The following DACH1 variants were observed in gnomAD, a reference collection of about 807,000 sequenced individuals.
The protein encoded by DACH1 is dachshund family transcription factor 1, also known as dachshund homolog 1.
Under a neutral mutation model 54.2 loss-of-function variants are expected in DACH1, and 12 were observed. That is an observed-to-expected ratio of 0.22 (90% CI 0.14 to 0.36). DACH1 has a LOEUF of 0.36. DACH1 is among the 10% of genes least tolerant of loss of function. DACH1 has a pLI of 1.00. For synonymous variants in DACH1, 386 were observed against 366.2 expected, an observed-to-expected ratio of 1.05 and a Z score of -0.62; for missense variants, 805 against 929.8, an observed-to-expected ratio of 0.87 and a Z score of 1.75.
chr13:71,621,428 C>T (rs557353851), intron 3 of DACH1, among the ~76,000 whole-genome samples: 9 of 152,118 alleles, frequency 5.9e-5, no homozygotes, highest in Non-Finnish European at 1.3e-4. Flanking sequence ...GCTGGTACAG[C>T]GTGTGACTGA....
At chr13:71,819,289 T>A (rs1453443208) in intron 1 of DACH1, among the ~76,000 whole-genome samples, 1 of 152,198 alleles carries the variant, frequency 6.6e-6, no homozygotes, top group East Asian at 1.9e-4. Context: ...CAGCTGGCAC[T>A]TTGCATAGAA....
chr13:71,618,063 T>C (rs913522761), intron 3 of DACH1, among the ~76,000 whole-genome samples: 4 of 152,196 alleles, frequency 2.6e-5, no homozygotes, highest in Non-Finnish European at 2.9e-5. Context: ...CTAAAATGCA[T>C]CCTCTTTTTG....
At chr13:71,559,276 T>C (rs1282111784) in intron 5 of DACH1, among the ~76,000 whole-genome samples, 1 of 152,180 alleles carries the variant, frequency 6.6e-6, no homozygotes, top group Non-Finnish European at 1.5e-5. Flanking sequence ...TTATTGATTG[T>C]TACTAATTCA....
chr13:71,565,556 C>T (rs1185887818), intron 4 of DACH1, among the ~76,000 whole-genome samples: 4 of 152,058 alleles, frequency 2.6e-5, no homozygotes, highest in Non-Finnish European at 5.9e-5. Flanking sequence ...CAGAAAAATG[C>T]TTAAAAGTAC....
intron 6 of DACH1, among the ~76,000 whole-genome samples, chr13:71,520,789 G>T (rs1881542385): frequency 6.6e-6 from 1 of 151,698 alleles, no homozygotes; most frequent in Admixed American, 6.6e-5. Flanking sequence ...ATTGGAGAAA[G>T]AAGAAAGGGA....
intron 10 of DACH1, among the ~76,000 whole-genome samples, chr13:71,472,664 C>T (rs374211634): frequency 1.3e-5 from 2 of 152,170 alleles, no homozygotes; most frequent in South Asian, 2.1e-4. Context: ...GGCTTGGGGA[C>T]AGTTGGAGAG....
At chr13:71,731,375 T>A (rs1308839344) in intron 1 of DACH1, among the ~76,000 whole-genome samples, 1 of 146,880 alleles carries the variant, frequency 6.8e-6, no homozygotes, top group Non-Finnish European at 1.5e-5. Context: ...CACTGCAAGC[T>A]CCACCTCCCG....
chr13:71,772,151 G>T (rs900636415), intron 1 of DACH1, among the ~76,000 whole-genome samples: 3 of 151,308 alleles, frequency 2.0e-5, no homozygotes, highest in Admixed American at 2.0e-4. Flanking sequence ...CTTGCCCCTT[G>T]CCTACACAGT....
intron 2 of DACH1, among the ~76,000 whole-genome samples, chr13:71,632,972 T>C (rs1370054203): frequency 6.6e-6 from 1 of 152,222 alleles, no homozygotes; most frequent in Non-Finnish European, 1.5e-5. Flanking sequence ...TTCCAGCAAA[T>C]CTTTCTTCCT....
chr13:71,707,129 C>T (rs745831871), intron 1 of DACH1, among the ~76,000 whole-genome samples: 2 of 152,102 alleles, frequency 1.3e-5, no homozygotes, highest in Non-Finnish European at 2.9e-5. Context: ...AGGTCTGTCC[C>T]CTCATGGAAC....
chr13:71,633,601 G>GACACACACACACACACACACACACACTC (rs76720343), intron 2 of DACH1, among the ~76,000 whole-genome samples: 1 of 149,488 alleles, frequency 6.7e-6, no homozygotes, highest in African/African-American at 2.4e-5. Context: ...GTGTGTCACT[G>GACACACACACACACACACACACACACTC]ACACACACAC....
intron 1 of DACH1, among the ~76,000 whole-genome samples, chr13:71,749,207 C>T (rs2137973083): frequency 6.6e-6 from 1 of 152,006 alleles, no homozygotes; most frequent in East Asian, 1.9e-4. Flanking sequence ...TGGTCTCGAA[C>T]TCCTCATCTC....
At chr13:71,744,697 T>A (rs910150731) in intron 1 of DACH1, among the ~76,000 whole-genome samples, 2 of 152,234 alleles carry the variant, frequency 1.3e-5, no homozygotes, top group Non-Finnish European at 2.9e-5. Flanking sequence ...CCACTTTGGT[T>A]GGGATTTAAA....
Position 71,762,248 on chromosome 13 carries a change from C to A in DACH1, c.849-80338G>T, listed in dbSNP as rs373476419. Among the ~76,000 whole-genome samples the A allele has an allele frequency of 3.3e-5, 5 of 152,190 alleles. No individual in the cohort carries two copies. In the South Asian group the frequency reaches 1.0e-3, roughly 32 times the overall value. ...CAAGCCCATATCGCTGGATCACAGT[C>A]TATGACATTCATTCACCCAATATGT... On this transcript the variant is annotated intron_variant, in intron 1 of 10. Transcript: ENST00000613252.
At chr13:71,721,757 T>G (rs1883239107) in intron 1 of DACH1, among the ~76,000 whole-genome samples, 1 of 152,114 alleles carries the variant, frequency 6.6e-6, no homozygotes, top group African/African-American at 2.4e-5. Context: ...CTCATATCAT[T>G]TTTTCTTCCT....
intron 1 of DACH1, among the ~76,000 whole-genome samples, chr13:71,723,538 T>C (rs1487541656): frequency 6.6e-6 from 1 of 152,222 alleles, no homozygotes; most frequent in Non-Finnish European, 1.5e-5. Flanking sequence ...AACAGTAATA[T>C]TAAAAACCTC....
Position 71,440,493 on chromosome 13 carries a change from C to CTT in DACH1, c.*160_*161dup, listed in dbSNP as rs11391038. 33,806 of 443,326 alleles carry CTT rather than the reference C, an allele frequency of 0.076. 67 individuals carry two copies. The highest frequency in any genetic ancestry group is 0.1 in the South Asian group (3,023 of 29,650). 27.5% of individuals were successfully genotyped at this position (443,326 alleles called of 1,614,324 possible). A position where few individuals can be genotyped will look rare whatever the true frequency, so the allele number is the denominator to read the frequency against. ...CACAGGTGAAAATCAATGGAGAAAA[C>CTT]TTTTTTTTTTTTTGTAGAATACTTA... On this transcript the variant is annotated 3_prime_UTR_variant, in exon 11 of 11. Coordinates refer to ENST00000613252, the MANE Select transcript of DACH1 (RefSeq NM_080759.6).
chr13:71,844,814 T>G (rs1443647697), intron 1 of DACH1, among the ~76,000 whole-genome samples: 2 of 152,030 alleles, frequency 1.3e-5, no homozygotes, highest in Non-Finnish European at 2.9e-5. Flanking sequence ...CAAGGCAACA[T>G]GGATAGAACT....
At chr13:71,571,860 C>A (rs976472061) in intron 4 of DACH1, among the ~76,000 whole-genome samples, 1 of 151,762 alleles carries the variant, frequency 6.6e-6, no homozygotes, top group Non-Finnish European at 1.5e-5. Context: ...CTCAGGCTTC[C>A]GAGTAGCTGG....
Sources: allele counts gnomAD v4.1 joint callset (sites outside exome capture counted in the v4.1 genomes callset), GRCh38; gene constraint gnomAD v4.1.1; transcripts MANE v1.5; gene names NCBI Gene and HGNC (gene_info 2026-07-23, HGNC 2026-07-21).